PLXNA4: variants seen among roughly 807,000 people sequenced by gnomAD.
The protein encoded by PLXNA4 is plexin A4.
In PLXNA4, 44 loss-of-function variants were observed where a neutral mutation model predicts 191.8. The observed-to-expected ratio is 0.23, with a 90% CI of 0.18 to 0.29. The LOEUF (loss-of-function observed/expected upper bound fraction) is 0.29, where lower values mean the gene tolerates loss of function less well. Among genes scored for constraint, PLXNA4 ranks in the 10% least tolerant of loss-of-function variants. The pLI is 1.00. For synonymous variants in PLXNA4, 1,082 were observed against 1,009.5 expected, an observed-to-expected ratio of 1.07 and a Z score of -1.36; for missense variants, 1,800 against 2,488.8, an observed-to-expected ratio of 0.72 and a Z score of 5.89.
chr7:132,440,782 G>T (rs1165215958), intron 3 of PLXNA4, among the ~76,000 whole-genome samples: 1 of 152,174 alleles, frequency 6.6e-6, no homozygotes, highest in Non-Finnish European at 1.5e-5. Flanking sequence ...TTGCCCACAA[G>T]TAAAATGTTT....
At chr7:132,254,169 T>C (rs568773832) in intron 4 of PLXNA4, among the ~76,000 whole-genome samples, 1 of 152,340 alleles carries the variant, frequency 6.6e-6, no homozygotes, top group East Asian at 1.9e-4. Flanking sequence ...TCAATTTTAT[T>C]CTCATCTTGG....
At chr7:132,274,266 G>GTGTATATATA (rs1720264334) in intron 4 of PLXNA4, among the ~76,000 whole-genome samples, 1 of 147,106 alleles carries the variant, frequency 6.8e-6, no homozygotes, top group Non-Finnish European at 1.5e-5. Context: ...ACGCTAATAT[G>GTGTATATATA]TATATATATA....
At chr7:132,273,621 T>C (rs1800160878) in intron 4 of PLXNA4, among the ~76,000 whole-genome samples, 1 of 152,170 alleles carries the variant, frequency 6.6e-6, no homozygotes, top group South Asian at 2.1e-4. Flanking sequence ...TCAGGGAAGC[T>C]GATGGCCATA....
intron 3 of PLXNA4, among the ~76,000 whole-genome samples, chr7:132,476,178 C>T (rs1230408717): frequency 6.6e-6 from 1 of 152,130 alleles, no homozygotes; most frequent in Non-Finnish European, 1.5e-5. Flanking sequence ...TATATCTTAT[C>T]CACCTGAAAA....
intron 3 of PLXNA4, among the ~76,000 whole-genome samples, chr7:132,387,548 G>T (rs777654715): frequency 6.6e-6 from 1 of 152,126 alleles, no homozygotes; most frequent in African/African-American, 2.4e-5. Context: ...CCCATCTGTC[G>T]CCAGGTAACT....
chr7:132,640,745 C>G (rs552445039), intron 2 of PLXNA4, among the ~76,000 whole-genome samples: 1 of 150,878 alleles, frequency 6.6e-6, no homozygotes, highest in Non-Finnish European at 1.5e-5. Context: ...CACTATTGAC[C>G]TTGTGACACA....
intron 1 of PLXNA4, among the ~76,000 whole-genome samples, chr7:132,542,414 G>T (rs1490833193): frequency 6.6e-6 from 1 of 152,132 alleles, no homozygotes; most frequent in Non-Finnish European, 1.5e-5. Context: ...TTAAAGACTT[G>T]CTCAGGAAAT....
At chr7:132,600,977 G>C (rs1263497792) in intron 2 of PLXNA4, among the ~76,000 whole-genome samples, 1 of 151,604 alleles carries the variant, frequency 6.6e-6, no homozygotes, top group African/African-American at 2.4e-5. Flanking sequence ...ATGTATTCTT[G>C]TTTCTTTGGT....
intron 1 of PLXNA4, among the ~76,000 whole-genome samples, chr7:132,538,157 G>C (rs1314286076): frequency 6.6e-6 from 1 of 152,202 alleles, no homozygotes; most frequent in South Asian, 2.1e-4. Flanking sequence ...GGTGGCAGTG[G>C]AGCCCTTGCC....
upstream of PLXNA4, among the ~76,000 whole-genome samples, chr7:132,579,438 C>A (rs201799485): frequency 2.2e-3 from 325 of 145,470 alleles, 2 homozygotes; most frequent in African/African-American, 7.8e-3. Flanking sequence ...TGTGTGTGTG[C>A]GTGTGTGTGT....
At chr7:132,482,890 A>G (rs1797393192) in intron 3 of PLXNA4, among the ~76,000 whole-genome samples, 1 of 151,910 alleles carries the variant, frequency 6.6e-6, no homozygotes, top group Non-Finnish European at 1.5e-5. Context: ...GCAGGGTTTT[A>G]CCACGTTGGT....
chr7:132,563,982 T>C (rs867331885), intron 1 of PLXNA4, among the ~76,000 whole-genome samples: 8 of 10,352 alleles, frequency 7.7e-4, no homozygotes, highest in African/African-American at 1.2e-3. Context: ...TCCTCCTCCT[T>C]CTCCTCCTCC....
At position 132,311,193 on chromosome 7, in the gene PLXNA4, T is replaced by TGTGTGTGTGTGCAC. The variant is rs71178034; in HGVS notation, c.1372-12972_1372-12971insGTGCACACACACAC. The stretch of plus-strand genomic sequence containing the variant: ...GTGTGTGTGTGTGTGTGTGTGTGTG[T>TGTGTGTGTGTGCAC]GCGCGTGTGGCCTAAAGGAGGGTCA... On this transcript the variant is annotated intron_variant, in intron 3 of 31. Coordinates refer to ENST00000321063, the MANE Select transcript of PLXNA4 (RefSeq NM_020911.2). 1.6e-3 allele frequency among the ~76,000 whole-genome samples: 147 copies of TGTGTGTGTGTGCAC among 89,900 alleles called. 1 individual carries two copies. Among genetic ancestry groups the TGTGTGTGTGTGCAC allele is most frequent in the Non-Finnish European group, 3.2e-3 (131 of 40,626 alleles). 59.0% of individuals were successfully genotyped at this position (89,900 alleles called of 152,430 possible).
chr7:132,437,569 GAAAAA>G (rs58252362), intron 3 of PLXNA4, among the ~76,000 whole-genome samples: 2 of 138,368 alleles, frequency 1.4e-5, no homozygotes, highest in African/African-American at 5.6e-5. Context: ...GGAAAAAAAA[GAAAAA>G]AAAAAAAAAA....
chr7:132,342,365 T>C (rs897967565), intron 3 of PLXNA4, among the ~76,000 whole-genome samples: 2 of 151,776 alleles, frequency 1.3e-5, no homozygotes, highest in Non-Finnish European at 2.9e-5. Context: ...GTGAATATAA[T>C]GAGTTACAAA....
chr7:132,178,713 TAC>T (rs56218462), intron 20 of PLXNA4, among the ~76,000 whole-genome samples: 1,328 of 112,070 alleles, frequency 0.012, 39 homozygotes, highest in Middle Eastern at 0.038. Flanking sequence ...CACATACACA[TAC>T]ACACACACAC....
At chr7:132,436,509 T>C (rs1290708626) in intron 3 of PLXNA4, among the ~76,000 whole-genome samples, 1 of 152,184 alleles carries the variant, frequency 6.6e-6, no homozygotes, top group African/African-American at 2.4e-5. Context: ...GCACCTTCAC[T>C]GCAAATGGAA....
intron 3 of PLXNA4, among the ~76,000 whole-genome samples, chr7:132,311,177 T>C (rs1801719784): frequency 1.5e-5 from 2 of 134,354 alleles, no homozygotes; most frequent in South Asian, 2.4e-4. Flanking sequence ...TGTGTGTGTG[T>C]GTGTGTGTGT....
At chr7:132,213,377 A>G (rs1291393364) in intron 9 of PLXNA4, among the ~76,000 whole-genome samples, 1 of 152,214 alleles carries the variant, frequency 6.6e-6, no homozygotes, top group African/African-American at 2.4e-5. Context: ...ATGTTATGAT[A>G]TGTGTATTTT....
Sources: gnomAD v4.1 joint callset for allele counts (sites outside exome capture counted in the v4.1 genomes callset) on GRCh38, gnomAD v4.1.1 for gene constraint, MANE v1.5 for transcripts, NCBI Gene and HGNC (gene_info 2026-07-23, HGNC 2026-07-21) for gene names.